SPOCK1: variants seen among roughly 807,000 people sequenced by gnomAD.
SPOCK1 encodes the protein SPARC (osteonectin), cwcv and kazal like domains proteoglycan 1, also known as testican-1.
Under a neutral mutation model 55.3 loss-of-function variants are expected in SPOCK1, and 23 were observed. The ratio of observed to expected loss-of-function variants is 0.42; its 90% CI spans 0.30 to 0.59. The LOEUF is 0.59. SPOCK1 is among the 20% of genes least tolerant of loss of function. The probability of loss-of-function intolerance (pLI) is 0.22; values close to 1 mark genes in which losing one functional copy is unlikely to be tolerated. For synonymous variants in SPOCK1, 226 were observed against 221.0 expected (o/e 1.02, Z -0.20); for missense variants, 499 against 552.5 (o/e 0.90, Z 0.97).
chr5:137,401,508 G>T (rs1325619375), intron 2 of SPOCK1, among the ~76,000 whole-genome samples: 1 of 141,784 alleles, frequency 7.1e-6, no homozygotes. Context: ...GATCAGTTGA[G>T]GCCAGGAGTT....
chr5:136,985,136 T>C lies in SPOCK1; in HGVS notation c.991+4A>G. On this transcript the variant is annotated splice_donor_region_variant and intron_variant, in intron 9 of 10. Transcript: ENST00000394945. ...TTAAATGAGTGGCAAGAAATTGTAC[T>C]TACCCAACAGGCTTTTCCCCTTACT... is the stretch of plus-strand genomic sequence containing the variant. The C allele has an allele frequency of 6.2e-7, 1 of 1,614,074 alleles. No homozygotes were observed. The highest frequency in any genetic ancestry group is 8.5e-7 in the Non-Finnish European group (1 of 1,179,904).
At chr5:137,081,996 C>T (rs1266856124) in intron 5 of SPOCK1, among the ~76,000 whole-genome samples, 2 of 152,198 alleles carry the variant, frequency 1.3e-5, no homozygotes, top group Non-Finnish European at 2.9e-5. Flanking sequence ...TCATTTCTCC[C>T]AGAGCCTGAT....
intron 3 of SPOCK1, among the ~76,000 whole-genome samples, chr5:137,201,248 T>C (rs770742228): frequency 2.0e-5 from 3 of 152,120 alleles, no homozygotes; most frequent in Non-Finnish European, 4.4e-5. Flanking sequence ...ATCTAGGGGC[T>C]CCATGGATGG....
At chr5:137,206,410 G>A (rs915427324) in intron 3 of SPOCK1, among the ~76,000 whole-genome samples, 4 of 152,124 alleles carry the variant, frequency 2.6e-5, no homozygotes, top group Non-Finnish European at 5.9e-5. Flanking sequence ...TGCCAAACAC[G>A]GAAAGAGAAA....
intron 2 of SPOCK1, among the ~76,000 whole-genome samples, chr5:137,356,650 G>A (rs1310875854): frequency 6.6e-6 from 1 of 150,756 alleles, no homozygotes. Context: ...AAATAGCCAA[G>A]CATGGTGGCA....
At chr5:137,369,370 A>G (rs1230508023) in intron 2 of SPOCK1, among the ~76,000 whole-genome samples, 3 of 152,152 alleles carry the variant, frequency 2.0e-5, no homozygotes, top group South Asian at 4.1e-4. Flanking sequence ...TATCTATTCA[A>G]TGTCTACTCT....
At chr5:137,354,865 C>A (rs1750757860) in intron 2 of SPOCK1, among the ~76,000 whole-genome samples, 1 of 152,088 alleles carries the variant, frequency 6.6e-6, no homozygotes, top group Non-Finnish European at 1.5e-5. Context: ...CACTTATTGA[C>A]TGTATCACCT....
intron 3 of SPOCK1, among the ~76,000 whole-genome samples, chr5:137,171,365 T>C (rs1754752005): frequency 6.6e-6 from 1 of 152,160 alleles, no homozygotes; most frequent in East Asian, 1.9e-4. Flanking sequence ...CTCATATCTA[T>C]GCCCCCACTG....
chr5:137,207,599 T>C (rs1204128306), intron 3 of SPOCK1, among the ~76,000 whole-genome samples: 1 of 152,050 alleles, frequency 6.6e-6, no homozygotes, highest in Admixed American at 6.5e-5. Context: ...GTGGACTTAA[T>C]AGAGCCCTGT....
chr5:137,278,957 TCCCC>T (rs1344288448), intron 2 of SPOCK1, among the ~76,000 whole-genome samples: 1 of 151,986 alleles, frequency 6.6e-6, no homozygotes, highest in Non-Finnish European at 1.5e-5. Context: ...CTGTCCTACT[TCCCC>T]CCAGGGGGAA....
chr5:137,277,712 A>C (rs1480098172), intron 2 of SPOCK1, among the ~76,000 whole-genome samples: 1 of 152,200 alleles, frequency 6.6e-6, no homozygotes, highest in African/African-American at 2.4e-5. Flanking sequence ...GTCTCTAAGT[A>C]AGTGGACAGC....
intron 2 of SPOCK1, among the ~76,000 whole-genome samples, chr5:137,310,478 GT>G (rs1463528185): frequency 6.6e-6 from 1 of 152,192 alleles, no homozygotes; most frequent in African/African-American, 2.4e-5. Context: ...TGAAATAATT[GT>G]TTTGAAGAAA....
chr5:137,443,035 G>A (rs190978997), intron 2 of SPOCK1, among the ~76,000 whole-genome samples: 111 of 152,186 alleles, frequency 7.3e-4, no homozygotes, highest in Non-Finnish European at 1.4e-3. Flanking sequence ...AGGTTTTCTG[G>A]ACTCTGGAGC....
intron 4 of SPOCK1, among the ~76,000 whole-genome samples, chr5:137,117,562 C>T (rs909636399): frequency 1.3e-5 from 2 of 152,220 alleles, no homozygotes; most frequent in African/African-American, 2.4e-5. Flanking sequence ...TGATCCTACT[C>T]AGTCCATAAG....
chr5:137,371,054 C>CATTT (rs1300441019), intron 2 of SPOCK1, among the ~76,000 whole-genome samples: 1 of 152,200 alleles, frequency 6.6e-6, no homozygotes, highest in Non-Finnish European at 1.5e-5. Context: ...AGGACTCAGC[C>CATTT]ATTTTCTGGG....
At chr5:137,391,216 G>A (rs1751715745) in intron 2 of SPOCK1, among the ~76,000 whole-genome samples, 1 of 152,130 alleles carries the variant, frequency 6.6e-6, no homozygotes, top group South Asian at 2.1e-4. Context: ...ACATGTCCCT[G>A]CAAAAGACGT....
chr5:137,186,659 G>A (rs777550594), intron 3 of SPOCK1, among the ~76,000 whole-genome samples: 2 of 152,178 alleles, frequency 1.3e-5, no homozygotes, highest in African/African-American at 2.4e-5. Flanking sequence ...CCCAAGTGGA[G>A]CCAAGACTTC....
chr5:136,983,279 G>GACTT (rs139651106), intron 9 of SPOCK1, among the ~76,000 whole-genome samples: 3,048 of 152,232 alleles, frequency 0.02, 51 homozygotes, highest in Middle Eastern at 0.12. Flanking sequence ...TTTGAACCAA[G>GACTT]ACTTCAACCC....
chr5:137,017,317 T>C (rs1751466286), intron 6 of SPOCK1, among the ~76,000 whole-genome samples: 1 of 152,238 alleles, frequency 6.6e-6, no homozygotes, highest in African/African-American at 2.4e-5. Flanking sequence ...TGCTATTGGC[T>C]ACCAATTAAG....
Sources: gnomAD v4.1 joint callset for allele counts (sites outside exome capture counted in the v4.1 genomes callset) on GRCh38, gnomAD v4.1.1 for gene constraint, MANE v1.5 for transcripts, NCBI Gene and HGNC (gene_info 2026-07-23, HGNC 2026-07-21) for gene names.